The following IFNW1 variants were observed in gnomAD, a reference collection of about 807,000 sequenced individuals.
IFNW1 encodes interferon omega-1.
For missense variants in IFNW1, 293 were observed against 227.7 expected (o/e 1.29, Z -1.84); for synonymous variants, 105 against 88.0 (o/e 1.19, Z -1.08).
Position 21,140,847 on chromosome 9 carries a change from T to G in IFNW1, c.*136A>C, listed in dbSNP as rs1819386966. The G allele has an allele frequency of 1.6e-6, 1 of 627,066 alleles. No homozygotes were observed. The highest frequency in any genetic ancestry group is 1.8e-5 in the African/African-American group (1 of 54,386). The allele number at this position is 627,066 out of a possible 1,614,324, so 38.8% of individuals were successfully genotyped here. ...GAACCTAAGTCTTTTTAACATATAC[T>G]GGCTTAATATACCGACAAAGTATTT... On this transcript the variant is annotated 3_prime_UTR_variant, in exon 1 of 1. Coordinates refer to ENST00000380229, the MANE Select transcript of IFNW1 (RefSeq NM_002177.3).
At position 21,141,273 on chromosome 9, in the gene IFNW1, A is replaced by C; in HGVS notation, c.298T>G (p.Trp100Gly). 6.2e-7 allele frequency: 1 copy of C among 1,614,160 alleles called. No homozygotes were observed. The highest frequency in any genetic ancestry group is 1.3e-5 in the African/African-American group (1 of 75,048). Reference sequence around the variant, plus strand: ...AGTTGGTCTAGGAGGGTCATGTTCCAGGCAGCAGAGGAGCGCTCTGTGTGG... The same window carrying C: ...AGTTGGTCTAGGAGGGTCATGTTCCCGGCAGCAGAGGAGCGCTCTGTGTGG... ...LFHTERSSAA[W>G]NMTLLDQLHT... Residue 100 changes from tryptophan to glycine, a missense_variant, in exon 1 of 1, where the codon TGG (tryptophan) becomes GGG (glycine). By Grantham distance (184) the Trp-to-Gly change is radical. Transcript: ENST00000380229.
Position 21,140,963 on chromosome 9 carries a change from A to C in IFNW1, c.*20T>G, listed in dbSNP as rs1319665361. ...CACATGTGCAAGTGTTATATGGCAA[A>C]TTAATCAATGAGAATCATTTCAAGA... On this transcript the variant is annotated 3_prime_UTR_variant, in exon 1 of 1. Coordinates refer to ENST00000380229, the MANE Select transcript of IFNW1 (RefSeq NM_002177.3). The C allele has an allele frequency of 6.4e-7, 1 of 1,551,784 alleles. No individual in the cohort carries two copies. Among genetic ancestry groups the C allele is most frequent in the African/African-American group, 1.4e-5 (1 of 73,304 alleles).
Position 21,140,845 on chromosome 9 carries a change from A to G in IFNW1, c.*138T>C, listed in dbSNP as rs1819386946. On this transcript the variant is annotated 3_prime_UTR_variant, in exon 1 of 1. Transcript: ENST00000380229. ...CTGAACCTAAGTCTTTTTAACATAT[A>G]CTGGCTTAATATACCGACAAAGTAT... 3 of 621,688 alleles carry G rather than the reference A, an allele frequency of 4.8e-6. No homozygotes were observed. Among genetic ancestry groups the G allele is most frequent in the African/African-American group, 1.8e-5 (1 of 54,276 alleles). 38.5% of individuals were successfully genotyped at this position (621,688 alleles called of 1,614,324 possible). A position where few individuals can be genotyped will look rare whatever the true frequency, so the allele number is the denominator to read the frequency against.
In IFNW1 at chr9:21,141,793, G is replaced by T. The variant is rs1033073228; in HGVS notation, c.-223C>A. ...ACAACAATCTATTAATTTTGCATTA[G>T]ACTTCAGCTAAACTCCAGTAAACTT... On this transcript the variant is annotated 5_prime_UTR_variant, in exon 1 of 1. Transcript: ENST00000380229. The T allele has an allele frequency of 2.9e-5, 10 of 345,202 alleles. No individual in the cohort carries two copies. The highest frequency in any genetic ancestry group is 2.1e-4 in the African/African-American group (10 of 46,628). The allele number at this position is 345,202 out of a possible 1,614,324, so 21.4% of individuals were successfully genotyped here. A position where few individuals can be genotyped will look rare whatever the true frequency, so the allele number is the denominator to read the frequency against.
At position 21,141,033 on chromosome 9, in the gene IFNW1, T is replaced by G. The variant is rs1819389892; in HGVS notation, c.538A>C (p.Asn180His). The change falls in exon 1 of 1, where the codon AAC (asparagine) becomes CAC (histidine). Residue 180 changes from asparagine to histidine, a missense_variant. Coordinates refer to ENST00000380229, the MANE Select transcript of IFNW1 (RefSeq NM_002177.3). ...TTACTTCTCAGTCTTTCTTGCATGT[T>G]TGTTGATAAGAACAAGGATTTCATG... ...EIMKSLFLST[N>H]MQERLRSKDR... 1.9e-6 allele frequency: 3 copies of G among 1,614,136 alleles called. No homozygotes were observed. Among genetic ancestry groups the G allele is most frequent in the Non-Finnish European group, 2.5e-6 (3 of 1,179,986 alleles).
In IFNW1 at chr9:21,141,312, T is replaced by A; in HGVS notation, c.259A>T (p.Ile87Phe). The A allele has an allele frequency of 2.5e-6, 4 of 1,614,098 alleles. No individual in the cohort carries two copies. Among genetic ancestry groups the A allele is most frequent in the Non-Finnish European group, 3.4e-6 (4 of 1,179,958 alleles). Reference protein sequence around the residue: ...MSVLHEMLQQIFSLFHTERSS... With the variant: ...MSVLHEMLQQFFSLFHTERSS... Reference sequence around the variant, plus strand: ...CGCTCTGTGTGGAAGAGGCTGAAGATCTGCTGCAGCATCTCATGGAGGACA... The same window carrying A: ...CGCTCTGTGTGGAAGAGGCTGAAGAACTGCTGCAGCATCTCATGGAGGACA... The change falls in exon 1 of 1, where the codon ATC becomes TTC. Residue 87 changes from isoleucine to phenylalanine, a missense_variant. Coordinates refer to ENST00000380229, the MANE Select transcript of IFNW1 (RefSeq NM_002177.3).
Position 21,141,299 on chromosome 9 carries a change from A to T in IFNW1, c.272T>A (p.Phe91Tyr). The T allele has an allele frequency of 1.2e-6, 2 of 1,614,138 alleles. No homozygotes were observed. Among genetic ancestry groups the T allele is most frequent in the Non-Finnish European group, 1.7e-6 (2 of 1,179,992 alleles). The stretch of plus-strand genomic sequence containing the variant: ...GGCAGCAGAGGAGCGCTCTGTGTGG[A>T]AGAGGCTGAAGATCTGCTGCAGCAT... ...HEMLQQIFSLFHTERSSAAWN... is the reference protein window; with the variant it reads ...HEMLQQIFSLYHTERSSAAWN... The change falls in exon 1 of 1, where the codon TTC becomes TAC. Residue 91 changes from phenylalanine (F) to tyrosine (Y), a missense_variant. Phe to Tyr is a conservative substitution (Grantham distance 22). Transcript: ENST00000380229.
Position 21,141,511 on chromosome 9 carries a change from T to A in IFNW1, c.60A>T (p.Gly20=). Residue 20 remains glycine, a synonymous_variant, in exon 1 of 1, where the codon GGA becomes GGT. Transcript: ENST00000380229. ...TCTGAGGCAGATCACAGCCCAGAGA[T>A]CCAACAGGGCTATAGCTGGTCATCA... The part of the protein sequence containing the change: ...ALVMTSYSPV[G]SLGCDLPQNH... 6.2e-7 allele frequency: 1 copy of A among 1,613,040 alleles called. No homozygotes were observed. The highest frequency in any genetic ancestry group is 8.5e-7 in the Non-Finnish European group (1 of 1,179,426).
rs377674493 is a variant in IFNW1 at position 21,141,516 on chromosome 9, C to A, written c.55G>T (p.Val19Phe). The change falls in exon 1 of 1, where the codon GTT (valine) becomes TTT (phenylalanine). Residue 19 changes from valine to phenylalanine, a missense_variant. Val to Phe is a conservative substitution (Grantham distance 50, BLOSUM62 -1). Transcript: ENST00000380229. ...GGCAGATCACAGCCCAGAGATCCAA[C>A]AGGGCTATAGCTGGTCATCACTAGG... ...AALVMTSYSP[V>F]GSLGCDLPQN... 4.3e-6 allele frequency: 7 copies of A among 1,612,210 alleles called. No homozygotes were observed. In the African/African-American group the frequency reaches 6.7e-5, roughly 15 times the overall value.
chr9:21,141,440 AT>A, the IFNW1 span: 1 of 1,614,084 alleles, frequency 6.2e-7, no homozygotes, highest in Non-Finnish European at 8.5e-7. Context: ...GATTCTCCTC[AT>A]TTGGTGCAGA....
At position 21,141,520 on chromosome 9, in the gene IFNW1, G is replaced by T. The variant is rs1371783087; in HGVS notation, c.51C>A (p.Ser17Arg). 1.9e-6 allele frequency: 3 copies of T among 1,610,600 alleles called. No homozygotes were observed. Among genetic ancestry groups the T allele is most frequent in the East Asian group, 4.5e-5 (2 of 44,880 alleles). Residue 17 changes from serine to arginine, a missense_variant, in exon 1 of 1, where the codon AGC (serine) becomes AGA (arginine). Ser to Arg is a moderately radical substitution (Grantham distance 110). Coordinates refer to ENST00000380229, the MANE Select transcript of IFNW1 (RefSeq NM_002177.3). ...LLAALVMTSY[S>R]PVGSLGCDLP... is the part of the protein sequence containing the mutation. ...GATCACAGCCCAGAGATCCAACAGG[G>T]CTATAGCTGGTCATCACTAGGGCTG...
rs778112185 is a variant in IFNW1 at position 21,141,204 on chromosome 9, A to C, written c.367T>G (p.Leu123Val). ...TCTCCTTCTCCCACTACCTGCAGCA[A>C]GCAGGTCTCCAGGTGTTGCAGTTGC... ...HQQLQHLETC[L>V]LQVVGEGESA... Residue 123 changes from leucine (L) to valine (V), a missense_variant, in exon 1 of 1, where the codon TTG (leucine) becomes GTG (valine). Coordinates refer to ENST00000380229, the MANE Select transcript of IFNW1 (RefSeq NM_002177.3). 1 of 1,614,044 alleles carries C rather than the reference A, an allele frequency of 6.2e-7. No homozygotes were observed. The highest frequency in any genetic ancestry group is 8.5e-7 in the Non-Finnish European group (1 of 1,179,910).
In IFNW1 at chr9:21,141,622, T is replaced by A; in HGVS notation, c.-52A>T. The A allele has an allele frequency of 1.6e-6, 2 of 1,277,950 alleles. No homozygotes were observed. Among genetic ancestry groups the A allele is most frequent in the Non-Finnish European group, 2.2e-6 (2 of 921,442 alleles). 79.2% of individuals were successfully genotyped at this position (1,277,950 alleles called of 1,614,324 possible). On this transcript the variant is annotated 5_prime_UTR_variant, in exon 1 of 1. It introduces an in-frame stop codon into an upstream open reading frame of the 5' UTR. Transcript: ENST00000380229. Reference sequence around the variant, plus strand: ...ACTGAGCTGGGATATGGCTTAACCTTGGACCCTAGGTTTTCTGAAGACATT... The same window carrying A: ...ACTGAGCTGGGATATGGCTTAACCTAGGACCCTAGGTTTTCTGAAGACATT...
At position 21,141,411 on chromosome 9, in the gene IFNW1, T is replaced by G. The variant is rs1819398218; in HGVS notation, c.160A>C (p.Lys54Gln). The G allele has an allele frequency of 2.5e-6, 4 of 1,613,890 alleles. No individual in the cohort carries two copies. The highest frequency in any genetic ancestry group is 3.4e-6 in the Non-Finnish European group (4 of 1,179,898). ...MRRISPFLCLKDRRDFRFPQE... is the reference protein window; with the variant it reads ...MRRISPFLCLQDRRDFRFPQE... ...GGGAACCTGAAGTCTCTTCTGTCCT[T>G]GAGACACAAGAAAGGGGAGATTCTC... The change falls in exon 1 of 1, where the codon AAG becomes CAG. Residue 54 changes from lysine to glutamine, a missense_variant. Lys to Gln is a moderately conservative substitution (Grantham distance 53, BLOSUM62 1). Coordinates refer to ENST00000380229, the MANE Select transcript of IFNW1 (RefSeq NM_002177.3).
rs771978277 is a variant in IFNW1 at position 21,141,242 on chromosome 9, G to A, written c.329C>T (p.Thr110Ile). The change falls in exon 1 of 1, where the codon ACT becomes ATT. Residue 110 changes from threonine to isoleucine, a missense_variant. By Grantham distance (89) the Thr-to-Ile change is moderately conservative. Coordinates refer to ENST00000380229, the MANE Select transcript of IFNW1 (RefSeq NM_002177.3). ...WNMTLLDQLH[T>I]GLHQQLQHLE... ...GTGTTGCAGTTGCTGATGAAGTCCA[G>A]TGTGGAGTTGGTCTAGGAGGGTCAT... 10 of 1,614,076 alleles carry A rather than the reference G, an allele frequency of 6.2e-6. No homozygotes were observed. Among genetic ancestry groups the A allele is most frequent in the South Asian group, 1.1e-5 (1 of 91,094 alleles).
In IFNW1 at chr9:21,140,879, C is replaced by G; in HGVS notation, c.*104G>C. The G allele has an allele frequency of 3.8e-6, 3 of 792,094 alleles. No individual in the cohort carries two copies. The highest frequency in any genetic ancestry group is 6.1e-6 in the Non-Finnish European group (3 of 493,230). 49.1% of individuals were successfully genotyped at this position (792,094 alleles called of 1,614,324 possible). ...ATATACCGACAAAGTATTTGCAGAA[C>G]TAATTCAGTCAATTCTGTGATTAAA... is the stretch of plus-strand genomic sequence containing the variant. On this transcript the variant is annotated 3_prime_UTR_variant, in exon 1 of 1. Coordinates refer to ENST00000380229, the MANE Select transcript of IFNW1 (RefSeq NM_002177.3).
Position 21,141,456 on chromosome 9 carries a change from C to T in IFNW1, c.115G>A (p.Val39Met). ...ATTCTCCTCATTTGGTGCAGAAGCA[C>T]CAAGGTGTTCCTGCTAAGTAGGCCA... ...NHGLLSRNTL[V>M]LLHQMRRISP... Residue 39 changes from valine to methionine, a missense_variant, in exon 1 of 1, where the codon GTG becomes ATG. Coordinates refer to ENST00000380229, the MANE Select transcript of IFNW1 (RefSeq NM_002177.3). The T allele has an allele frequency of 6.2e-7, 1 of 1,614,100 alleles. No individual in the cohort carries two copies. The highest frequency in any genetic ancestry group is 8.5e-7 in the Non-Finnish European group (1 of 1,179,984).
Position 21,140,999 on chromosome 9 carries a change from T to G in IFNW1, c.572A>C (p.Asp191Ala), listed in dbSNP as rs775302810. ...MQERLRSKDRDLGSS is the reference protein window; with the variant it reads ...MQERLRSKDRALGSS ...AGAATCATTTCAAGATGAGCCCAGG[T>G]CTCTATCTTTACTTCTCAGTCTTTC... Residue 191 changes from aspartate to alanine, a missense_variant, in exon 1 of 1, where the codon GAC becomes GCC. Coordinates refer to ENST00000380229, the MANE Select transcript of IFNW1 (RefSeq NM_002177.3). 6.2e-7 allele frequency: 1 copy of G among 1,610,056 alleles called. No individual in the cohort carries two copies. The highest frequency in any genetic ancestry group is 8.5e-7 in the Non-Finnish European group (1 of 1,176,930).
At position 21,141,445 on chromosome 9, in the gene IFNW1, G is replaced by A; in HGVS notation, c.126C>T (p.His42=). ...LLSRNTLVLL[H]QMRRISPFLC... is the part of the protein sequence containing the mutation. Reference sequence around the variant, plus strand: ...AGAAAGGGGAGATTCTCCTCATTTGGTGCAGAAGCACCAAGGTGTTCCTGC... The same window carrying A: ...AGAAAGGGGAGATTCTCCTCATTTGATGCAGAAGCACCAAGGTGTTCCTGC... The change falls in exon 1 of 1, where the codon CAC becomes CAT. Residue 42 remains histidine, a synonymous_variant. Transcript: ENST00000380229. 1.9e-6 allele frequency: 3 copies of A among 1,614,086 alleles called. No homozygotes were observed. Among genetic ancestry groups the A allele is most frequent in the Non-Finnish European group, 2.5e-6 (3 of 1,179,958 alleles).
Sources: allele counts gnomAD v4.1 joint callset, GRCh38; gene constraint gnomAD v4.1.1; transcripts MANE v1.5; gene names NCBI Gene and HGNC (gene_info 2026-07-23, HGNC 2026-07-21).